Variants in CADM2 observed in about 807,000 individuals in gnomAD.
CADM2 encodes the protein cell adhesion molecule 2, also known as immunoglobulin superfamily member 4D.
Under a neutral mutation model 49.8 loss-of-function variants are expected in CADM2, and 12 were observed. The ratio of observed to expected loss-of-function variants is 0.24; its 90% CI spans 0.15 to 0.39. The LOEUF (loss-of-function observed/expected upper bound fraction) is 0.39. Among genes scored for constraint, CADM2 ranks in the 10% least tolerant of loss-of-function variants. CADM2 has a pLI of 1.00. For missense variants in CADM2, 378 were observed against 492.3 expected (o/e 0.77, Z 2.20); for synonymous variants, 214 against 175.4 (o/e 1.22, Z -1.74).
At chr3:85,968,075 A>G (rs963462734) in intron 8 of CADM2, among the ~76,000 whole-genome samples, 1 of 151,750 alleles carries the variant, frequency 6.6e-6, no homozygotes, top group East Asian at 2.0e-4. Flanking sequence ...TGAGCAACAA[A>G]CAGTGTGCTA....
At chr3:85,101,857 G>A (rs1036302585) in intron 1 of CADM2, among the ~76,000 whole-genome samples, 6 of 152,086 alleles carry the variant, frequency 3.9e-5, no homozygotes, top group South Asian at 2.1e-4. Flanking sequence ...ACTTAAGAAC[G>A]TAGATGAAAA....
chr3:86,004,796 A>G (rs1447789204), intron 8 of CADM2, among the ~76,000 whole-genome samples: 1 of 152,202 alleles, frequency 6.6e-6, no homozygotes, highest in East Asian at 1.9e-4. Flanking sequence ...AGCAAAACCT[A>G]TCAATGTCTT....
chr3:85,266,979 G>C (rs1342749208), intron 1 of CADM2, among the ~76,000 whole-genome samples: 2 of 151,850 alleles, frequency 1.3e-5, no homozygotes, highest in Non-Finnish European at 2.9e-5. Context: ...ATCAAGGAAT[G>C]TGCATGGGGA....
intron 1 of CADM2, among the ~76,000 whole-genome samples, chr3:85,637,103 G>A (rs2064514077): frequency 6.6e-6 from 1 of 152,038 alleles, no homozygotes; most frequent in Non-Finnish European, 1.5e-5. Flanking sequence ...TACCTGGCAT[G>A]ATTAAATCAT....
chr3:85,973,667 G>A (rs563117925), intron 8 of CADM2, among the ~76,000 whole-genome samples: 2 of 151,716 alleles, frequency 1.3e-5, no homozygotes, highest in South Asian at 4.1e-4. Flanking sequence ...GTAAACTAGA[G>A]CAAATTTGAA....
At chr3:84,973,155 C>T (rs900282105) in intron 1 of CADM2, among the ~76,000 whole-genome samples, 21 of 152,128 alleles carry the variant, frequency 1.4e-4, no homozygotes, top group Non-Finnish European at 1.9e-4. Flanking sequence ...TCAGGTGATC[C>T]GCCAACCTCG....
intron 5 of CADM2, among the ~76,000 whole-genome samples, chr3:85,893,217 G>A (rs1173344303): frequency 6.6e-6 from 1 of 152,082 alleles, no homozygotes; most frequent in Non-Finnish European, 1.5e-5. Flanking sequence ...TACTGATGTA[G>A]TAGAAAAGAA....
chr3:85,991,269 C>T (rs1351540497), intron 8 of CADM2, among the ~76,000 whole-genome samples: 2 of 152,080 alleles, frequency 1.3e-5, no homozygotes, highest in Non-Finnish European at 2.9e-5. Flanking sequence ...CCTCATTTTC[C>T]GTGATGACTT....
At chr3:85,343,041 G>A (rs1293227391) in intron 1 of CADM2, among the ~76,000 whole-genome samples, 1 of 152,114 alleles carries the variant, frequency 6.6e-6, no homozygotes, top group Non-Finnish European at 1.5e-5. Context: ...AAGTAGGGGT[G>A]ATTTTGCCTT....
chr3:85,415,345 A>G (rs2035865877), intron 1 of CADM2, among the ~76,000 whole-genome samples: 1 of 151,834 alleles, frequency 6.6e-6, no homozygotes, highest in African/African-American at 2.4e-5. Context: ...AAGTGTGTTT[A>G]GTAATTTGCA....
intron 1 of CADM2, among the ~76,000 whole-genome samples, chr3:85,108,820 C>A (rs890580868): frequency 6.6e-6 from 1 of 151,782 alleles, no homozygotes; most frequent in Admixed American, 6.6e-5. Flanking sequence ...AGTATTAAAA[C>A]AAAACAACAA....
chr3:85,322,097 C>T (rs943536481), intron 1 of CADM2, among the ~76,000 whole-genome samples: 1 of 151,202 alleles, frequency 6.6e-6, no homozygotes. Context: ...TGTGAAAGCA[C>T]CTTATTTATC....
At chr3:85,328,032 T>C (rs1026621143) in intron 1 of CADM2, among the ~76,000 whole-genome samples, 2 of 152,192 alleles carry the variant, frequency 1.3e-5, no homozygotes, top group Admixed American at 6.5e-5. Context: ...AATACTTCTT[T>C]CCTTATCCCT....
chr3:85,495,569 T>C (rs572296676), intron 1 of CADM2, among the ~76,000 whole-genome samples: 1 of 152,212 alleles, frequency 6.6e-6, no homozygotes, highest in East Asian at 1.9e-4. Context: ...TGTTTGTTCT[T>C]TATTATTTTG....
chr3:85,585,732 A>G (rs991374366), intron 1 of CADM2, among the ~76,000 whole-genome samples: 5 of 152,028 alleles, frequency 3.3e-5, no homozygotes, highest in Non-Finnish European at 5.9e-5. Context: ...GTCACCAGAG[A>G]CAAAATAATA....
intron 1 of CADM2, among the ~76,000 whole-genome samples, chr3:85,242,090 T>C (rs2042545232): frequency 6.6e-6 from 1 of 151,000 alleles, no homozygotes; most frequent in African/African-American, 2.4e-5. Context: ...TATATAAGAT[T>C]TGGGAATCAG....
chr3:85,441,208 A>T (rs1417950571), intron 1 of CADM2, among the ~76,000 whole-genome samples: 1 of 151,934 alleles, frequency 6.6e-6, no homozygotes, highest in African/African-American at 2.4e-5. Flanking sequence ...TTAAATACTC[A>T]GTTTTTAATA....
chr3:85,690,215 G>T (rs1362535776), intron 1 of CADM2, among the ~76,000 whole-genome samples: 1 of 152,172 alleles, frequency 6.6e-6, no homozygotes, highest in Non-Finnish European at 1.5e-5. Flanking sequence ...CTGCATGGGG[G>T]ATTCAGATCA....
intron 1 of CADM2, among the ~76,000 whole-genome samples, chr3:85,414,159 G>A (rs1209553091): frequency 2.6e-5 from 4 of 152,128 alleles, no homozygotes; most frequent in East Asian, 1.9e-4. Context: ...CACCATGCCC[G>A]GCCTGATGAA....
Sources: gnomAD v4.1 joint callset for allele counts (sites outside exome capture counted in the v4.1 genomes callset) on GRCh38, gnomAD v4.1.1 for gene constraint, MANE v1.5 for transcripts, NCBI Gene and HGNC (gene_info 2026-07-23, HGNC 2026-07-21) for gene names.